STOX2: variants seen among roughly 807,000 people sequenced by gnomAD.
STOX2 encodes storkhead-box protein 2.
STOX2 carries 28 observed loss-of-function variants against 60.9 expected under a neutral mutation model. The ratio of observed to expected loss-of-function variants is 0.46; its 90% CI spans 0.34 to 0.63. The LOEUF is 0.63. Among genes scored for constraint, STOX2 ranks in the 30% least tolerant of loss-of-function variants. STOX2 has a pLI of 0.01. For synonymous variants in STOX2, 472 were observed against 463.9 expected (o/e 1.02, Z -0.22); for missense variants, 1,024 against 1,187.7 (o/e 0.86, Z 2.03).
intron 1 of STOX2, among the ~76,000 whole-genome samples, chr4:183,874,357 A>G (rs59913183): frequency 0.45 from 68,789 of 151,902 alleles, 15,820 homozygotes; most frequent in Middle Eastern, 0.51. Context: ...GCCTCCCTGC[A>G]GTCATAACTG....
rs962080094 is a variant in STOX2 at position 183,988,106 on chromosome 4, G to A, written c.167-13219G>A. ...GTGCCCCTCGCCACCCCGCGCCTGG[G>A]GTACATTCTGACCTCGCGTCTCCGC... On this transcript the variant is annotated intron_variant, in intron 1 of 3. Coordinates refer to ENST00000308497, the MANE Select transcript of STOX2 (RefSeq NM_020225.3). 3.3e-5 allele frequency among the ~76,000 whole-genome samples: 5 copies of A among 152,028 alleles called. 1 individual carries two copies. Among genetic ancestry groups the A allele is most frequent in the Admixed American group, 3.3e-4 (5 of 15,268 alleles).
intron 1 of STOX2, among the ~76,000 whole-genome samples, chr4:183,940,828 A>T (rs940209156): frequency 6.6e-6 from 1 of 152,152 alleles, no homozygotes; most frequent in Non-Finnish European, 1.5e-5. Flanking sequence ...TACATTTGCA[A>T]CCTCTTTATT....
chr4:183,818,953 C>T (rs1295671593), intron 1 of STOX2, among the ~76,000 whole-genome samples: 12 of 151,992 alleles, frequency 7.9e-5, no homozygotes, highest in African/African-American at 2.4e-4. Flanking sequence ...GACTGGGCAG[C>T]GGGGCAGAGG....
At chr4:183,960,102 G>A (rs914232918) in intron 1 of STOX2, among the ~76,000 whole-genome samples, 5 of 152,248 alleles carry the variant, frequency 3.3e-5, no homozygotes, top group African/African-American at 1.2e-4. Flanking sequence ...CAGCTGGGAT[G>A]TGTTGTCATG....
chr4:183,926,124 A>G (rs1445294026), intron 1 of STOX2, among the ~76,000 whole-genome samples: 1 of 152,210 alleles, frequency 6.6e-6, no homozygotes, highest in South Asian at 2.1e-4. Context: ...TCCATCACCT[A>G]TATGAGAACA....
chr4:183,905,098 A>G (rs1192089675), upstream of STOX2, among the ~76,000 whole-genome samples: 9 of 152,208 alleles, frequency 5.9e-5, no homozygotes, highest in Non-Finnish European at 1.0e-4. Flanking sequence ...TGAAAACCCA[A>G]ATCGAGGAGA....
intron 1 of STOX2, among the ~76,000 whole-genome samples, chr4:183,810,284 C>T (rs1213751344): frequency 6.6e-6 from 1 of 152,118 alleles, no homozygotes; most frequent in Non-Finnish European, 1.5e-5. Context: ...GTATCTGGAC[C>T]AGGGACTGTT....
intron 1 of STOX2, among the ~76,000 whole-genome samples, chr4:183,850,451 G>A (rs1019486597): frequency 7.2e-5 from 11 of 152,070 alleles, no homozygotes; most frequent in Non-Finnish European, 1.3e-4. Flanking sequence ...CAAAAGGGCT[G>A]GGCATGGTGG....
At chr4:183,815,430 TCA>T (rs1347329815) in intron 1 of STOX2, among the ~76,000 whole-genome samples, 1 of 152,162 alleles carries the variant, frequency 6.6e-6, no homozygotes, top group South Asian at 2.1e-4. Flanking sequence ...TAAATTTATT[TCA>T]GTTACAACAT....
intron 1 of STOX2, among the ~76,000 whole-genome samples, chr4:183,879,570 T>A (rs1448680702): frequency 6.6e-6 from 1 of 152,186 alleles, no homozygotes; most frequent in Non-Finnish European, 1.5e-5. Context: ...ATCTCCATGA[T>A]CTCTTCTGTC....
At chr4:183,933,722 G>T (rs1201874623) in intron 1 of STOX2, among the ~76,000 whole-genome samples, 1 of 152,102 alleles carries the variant, frequency 6.6e-6, no homozygotes, top group Non-Finnish European at 1.5e-5. Flanking sequence ...TGTAAATTAT[G>T]CCCAACTTGA....
chr4:183,864,187 G>A lies in STOX2; in HGVS notation c.364+66132G>A, dbSNP rs183390922. 2.4e-3 allele frequency among the ~76,000 whole-genome samples: 371 copies of A among 152,194 alleles called. 2 individuals are homozygous for A. The highest frequency in any genetic ancestry group is 3.7e-3 in the Non-Finnish European group (249 of 68,010). On this transcript the variant is annotated intron_variant, in intron 1 of 2. Transcript: ENST00000513034. Reference sequence around the variant, plus strand: ...GGCTGTTTACTGCAGGACTTCTCATGCCTTTACTATCCTAACATGCACTGT... The same window carrying A: ...GGCTGTTTACTGCAGGACTTCTCATACCTTTACTATCCTAACATGCACTGT...
At chr4:183,820,026 C>T (rs1440178485) in intron 1 of STOX2, among the ~76,000 whole-genome samples, 2 of 152,130 alleles carry the variant, frequency 1.3e-5, no homozygotes, top group Admixed American at 6.5e-5. Flanking sequence ...GTTCATAGTT[C>T]TTCTTTTACT....
chr4:183,864,161 A>G (rs1265667276), intron 1 of STOX2, among the ~76,000 whole-genome samples: 1 of 152,216 alleles, frequency 6.6e-6, no homozygotes, highest in Non-Finnish European at 1.5e-5. Flanking sequence ...GAGGTAAACG[A>G]GGCTGTTTAC....
At chr4:183,819,729 G>A (rs764061360) in intron 1 of STOX2, among the ~76,000 whole-genome samples, 8 of 152,190 alleles carry the variant, frequency 5.3e-5, no homozygotes, top group Non-Finnish European at 1.2e-4. Context: ...TTTTATGTTC[G>A]TCAAAAGGAA....
intron 1 of STOX2, among the ~76,000 whole-genome samples, chr4:183,842,784 A>G (rs1739892768): frequency 6.6e-6 from 1 of 151,676 alleles, no homozygotes; most frequent in South Asian, 2.1e-4. Flanking sequence ...CTTGCTTGAC[A>G]CTGCAGTCAT....
chr4:184,005,495 C>T (rs554411553), intron 2 of STOX2, among the ~76,000 whole-genome samples: 17 of 97,956 alleles, frequency 1.7e-4, no homozygotes, highest in African/African-American at 5.0e-4. Context: ...TATAAGTAGA[C>T]CACAGTGTCA....
At chr4:183,903,587 T>C (rs1383519337), upstream of STOX2, among the ~76,000 whole-genome samples, 1 of 152,250 alleles carries the variant, frequency 6.6e-6, no homozygotes, top group Non-Finnish European at 1.5e-5. Context: ...TCAGCCATTG[T>C]TTGCTGAATG....
chr4:183,978,524 G>A (rs894711650), intron 1 of STOX2, among the ~76,000 whole-genome samples: 1 of 152,176 alleles, frequency 6.6e-6, no homozygotes, highest in African/African-American at 2.4e-5. Flanking sequence ...ATCATTTGAA[G>A]TCAGGTGATG....
Sources: allele counts gnomAD v4.1 joint callset (sites outside exome capture counted in the v4.1 genomes callset), GRCh38; gene constraint gnomAD v4.1.1; transcripts MANE v1.5; gene names NCBI Gene and HGNC (gene_info 2026-07-23, HGNC 2026-07-21).